The following PPIP5K1 variants were observed in gnomAD, a reference collection of about 807,000 sequenced individuals.
The protein encoded by PPIP5K1 is diphosphoinositol pentakisphosphate kinase 1.
In PPIP5K1, 6 loss-of-function variants were observed where a neutral mutation model predicts 27.7. That is an observed-to-expected ratio of 0.22 (90% CI 0.12 to 0.43). The LOEUF (loss-of-function observed/expected upper bound fraction) is 0.43. Among genes scored for constraint, PPIP5K1 ranks in the 20% least tolerant of loss-of-function variants. The pLI is 1.00. For missense variants in PPIP5K1, 394 were observed against 635.4 expected (o/e 0.62, Z 4.08); for synonymous variants, 145 against 242.6 (o/e 0.60, Z 3.74).
intron 30 of PPIP5K1, among the ~76,000 whole-genome samples, chr15:43,553,299 G>A (rs2082469137): frequency 6.6e-6 from 1 of 151,896 alleles, no homozygotes; most frequent in Non-Finnish European, 1.5e-5. Flanking sequence ...GTTAGGTCGA[G>A]TTGGTTTGTA....
intron 31 of PPIP5K1, 135 bp downstream of exon 31, chr15:43,539,335 G>GA: frequency 1.5e-6 from 1 of 688,026 alleles, no homozygotes; most frequent in Non-Finnish European, 2.6e-6. Context: ...AATGGCAGAT[G>GA]AGACTGCTTC....
chr15:43,550,817 G>C (rs748341031), intron 30 of PPIP5K1, among the ~76,000 whole-genome samples: 1 of 152,026 alleles, frequency 6.6e-6, no homozygotes, highest in Non-Finnish European at 1.5e-5. Context: ...ATCATGAAAG[G>C]GTGTTGGATT....
At chr15:43,539,714 G>A (rs1252688720) in intron 30 of PPIP5K1, 131 bp from the exon 31 acceptor site, 6 of 597,846 alleles carry the variant, frequency 1.0e-5, no homozygotes, top group African/African-American at 7.5e-5. Context: ...CATTTCCTGG[G>A]GACCCTTCAA....
At chr15:43,579,506 T>C (rs1206513540) in intron 10 of PPIP5K1, among the ~76,000 whole-genome samples, 1 of 98,458 alleles carries the variant, frequency 1.0e-5, no homozygotes, top group Non-Finnish European at 1.7e-5. Context: ...CATATGTGTA[T>C]ATAGATGCAC....
At chr15:43,559,373 G>A (rs1173843039) in intron 29 of PPIP5K1, among the ~76,000 whole-genome samples, 1 of 152,194 alleles carries the variant, frequency 6.6e-6, no homozygotes, top group Non-Finnish European at 1.5e-5. Flanking sequence ...ATGAATAAGA[G>A]AACCAGATTA....
At position 43,534,362 on chromosome 15, in the gene PPIP5K1, ACCT is replaced by A; in HGVS notation, c.*309_*311del. 1 of 244,190 alleles carries A rather than the reference ACCT, an allele frequency of 4.1e-6. No individual in the cohort carries two copies. The highest frequency in any genetic ancestry group is 1.6e-4 in the South Asian group (1 of 6,384). 15.1% of individuals were successfully genotyped at this position (244,190 alleles called of 1,614,324 possible). Reference sequence around the variant, plus strand: ...AGTGAGGAGCCAATGGCTTCTTCGAACCTAAAACTGGCTCCTCCTCAACCACAG... The same window carrying A: ...AGTGAGGAGCCAATGGCTTCTTCGAAAAAACTGGCTCCTCCTCAACCACAG... On this transcript the variant is annotated 3_prime_UTR_variant, in exon 32 of 32. Coordinates refer to ENST00000420765, the MANE Select transcript of PPIP5K1 (RefSeq NM_001394395.1).
intron 30 of PPIP5K1, among the ~76,000 whole-genome samples, chr15:43,545,064 G>C (rs2081201067): frequency 6.7e-6 from 1 of 149,496 alleles, no homozygotes; most frequent in Non-Finnish European, 1.5e-5. Flanking sequence ...TGTAGTCCCA[G>C]CTACTCAGGA....
At chr15:43,586,706 G>GATGATGATA (rs1444586840) in intron 1 of PPIP5K1, among the ~76,000 whole-genome samples, 2 of 96,588 alleles carry the variant, frequency 2.1e-5, no homozygotes, top group African/African-American at 3.5e-5. Context: ...AAATAATGAT[G>GATGATGATA]ATAATAATAA....
chr15:43,537,261 C>G (rs2079988430), intron 31 of PPIP5K1: 1 of 187,852 alleles, frequency 5.3e-6, no homozygotes, highest in Non-Finnish European at 1.1e-5. Context: ...AGAAGAATCA[C>G]TTGAACCCAG....
chr15:43,535,390 C>T lies in PPIP5K1; in HGVS notation c.3757G>A (p.Asp1253Asn). 2 of 1,614,032 alleles carry T rather than the reference C, an allele frequency of 1.2e-6. No homozygotes were observed. Among genetic ancestry groups the T allele is most frequent in the Non-Finnish European group, 1.7e-6 (2 of 1,179,974 alleles). The change falls in exon 32 of 32, where the codon GAT (aspartate) becomes AAT (asparagine). Residue 1253 changes from aspartate to asparagine, a missense_variant. Physicochemically the swap from Asp to Asn is conservative, Grantham distance 23. Coordinates refer to ENST00000420765, the MANE Select transcript of PPIP5K1 (RefSeq NM_001394395.1). The stretch of plus-strand genomic sequence containing the variant: ...ACGTGTGAATTTAGGGAGGGTTGAT[C>T]ACTGAAGCCAAATTGGGAGTTACCA... ...VDGNSQFGFS[D>N]QPSLNSHVAE...
At chr15:43,538,490 T>C (rs1706053894) in intron 31 of PPIP5K1, among the ~76,000 whole-genome samples, 1 of 152,212 alleles carries the variant, frequency 6.6e-6, no homozygotes, top group Non-Finnish European at 1.5e-5. Context: ...TATGTAGAAA[T>C]AAGTAGCAGA....
intron 30 of PPIP5K1, among the ~76,000 whole-genome samples, chr15:43,554,620 T>TACACACACACACACAC (rs757647925): frequency 3.8e-5 from 5 of 130,012 alleles, no homozygotes; most frequent in African/African-American, 1.4e-4. Context: ...ACACCTGGCA[T>TACACACACACACACAC]ACACACACAC....
At chr15:43,557,181 C>A (rs973607854) in intron 30 of PPIP5K1, among the ~76,000 whole-genome samples, 2 of 152,162 alleles carry the variant, frequency 1.3e-5, no homozygotes, top group African/African-American at 4.8e-5. Context: ...TGTGGTGGCT[C>A]ACACCTGTAA....
chr15:43,549,514 G>A (rs772079017), intron 30 of PPIP5K1, among the ~76,000 whole-genome samples: 48 of 151,814 alleles, frequency 3.2e-4, no homozygotes, highest in Non-Finnish European at 5.3e-4. Flanking sequence ...TTAGCCAGCC[G>A]TGGTGGCACA....
rs561728633 is a variant in PPIP5K1, at chr15:43,550,580, TTTTA to T, written c.3556+8211_3556+8214del. Among the ~76,000 whole-genome samples, 304 of 105,680 alleles carry T rather than the reference TTTTA, an allele frequency of 2.9e-3. 2 individuals carry two copies. The highest frequency in any genetic ancestry group is 9.9e-3 in the African/African-American group (285 of 28,900). 69.3% of individuals were successfully genotyped at this position (105,680 alleles called of 152,430 possible). On this transcript the variant is annotated intron_variant, in intron 30 of 31. Transcript: ENST00000420765. The stretch of plus-strand genomic sequence containing the variant: ...CCATGTCCTCTGTGAACAGAAATAC[TTTTA>T]TTTTTTCTTTTCCAATTTGGATATT...
chr15:43,534,556 A>G lies in PPIP5K1; in HGVS notation c.*118T>C. 1 of 828,888 alleles carries G rather than the reference A, an allele frequency of 1.2e-6. No individual in the cohort carries two copies. Among genetic ancestry groups the G allele is most frequent in the East Asian group, 2.6e-5 (1 of 38,890 alleles). The allele number at this position is 828,888 out of a possible 1,614,324, so 51.3% of individuals were successfully genotyped here. On this transcript the variant is annotated 3_prime_UTR_variant, in exon 32 of 32. Transcript: ENST00000420765. Reference sequence around the variant, plus strand: ...TCACATGTTGCTGGTGGAAGGGGTGAGTGCTGGTCATGGGCTAGAGACTGG... The same window carrying G: ...TCACATGTTGCTGGTGGAAGGGGTGGGTGCTGGTCATGGGCTAGAGACTGG...
intron 30 of PPIP5K1, among the ~76,000 whole-genome samples, chr15:43,546,190 C>T (rs2081349330): frequency 6.6e-6 from 1 of 151,838 alleles, no homozygotes; most frequent in Non-Finnish European, 1.5e-5. Flanking sequence ...TTTTAAGGTT[C>T]ATCCACATTT....
intron 30 of PPIP5K1, among the ~76,000 whole-genome samples, chr15:43,554,606 T>C (rs1194956742): frequency 6.8e-6 from 1 of 147,364 alleles, no homozygotes; most frequent in African/African-American, 2.6e-5. Flanking sequence ...TTCTCAAATA[T>C]AAGACACCTG....
In PPIP5K1 at chr15:43,534,757, T is replaced by C. The variant is rs1239324471; in HGVS notation, c.4390A>G (p.Ile1464Val). 1.3e-6 allele frequency: 2 copies of C among 1,560,330 alleles called. No individual in the cohort carries two copies. The highest frequency in any genetic ancestry group is 1.7e-6 in the Non-Finnish European group (2 of 1,155,368). ...TSAINLLSQG[I>V]PEIDKPSQEF... The stretch of plus-strand genomic sequence containing the variant: ...TGGGATGGTTTATCAATCTCAGGGA[T>C]GCCCTGAGATAACAGATTGATCGCA... The change falls in exon 32 of 32, where the codon ATC becomes GTC. Residue 1464 changes from isoleucine to valine, a missense_variant. Transcript: ENST00000420765.
Sources: gnomAD v4.1 joint callset for allele counts (sites outside exome capture counted in the v4.1 genomes callset) on GRCh38, gnomAD v4.1.1 for gene constraint, MANE v1.5 for transcripts, NCBI Gene and HGNC (gene_info 2026-07-23, HGNC 2026-07-21) for gene names.